COL7A1: variants seen among roughly 807,000 people sequenced by gnomAD.
COL7A1 encodes the protein collagen type VII alpha 1 chain, also known as collagen alpha-1(VII) chain.
A neutral mutation model predicts 456.2 loss-of-function variants in COL7A1; 296 were observed. The ratio of observed to expected loss-of-function variants is 0.65; its 90% CI spans 0.59 to 0.71. The LOEUF (loss-of-function observed/expected upper bound fraction) is 0.71. Among genes scored for constraint, COL7A1 ranks in the 30% least tolerant of loss-of-function variants. The pLI is 0.00. For synonymous variants in COL7A1, 1,464 were observed against 1,525.9 expected, an observed-to-expected ratio of 0.96 and a Z score of 0.95; for missense variants, 3,441 against 4,017.2, an observed-to-expected ratio of 0.86 and a Z score of 3.88.
At position 48,566,675 on chromosome 3, in the gene COL7A1, G is replaced by A. The variant is rs763764765; in HGVS notation, c.8289C>T (p.Gly2763=). The change falls in exon 112 of 119, where the codon GGC becomes GGT. Residue 2763 remains glycine, a synonymous_variant. Transcript: ENST00000681320. This position sits in a 1 kb window ranked among gnomAD's most constrained non-coding sequence, Gnocchi z 5.9. ...CCCTACTCACCTGCTCCCCTCTCTC[G>A]CCAGGAGCTCCAGGGACCCCAGGAG... The part of the protein sequence containing the change: ...VGAPGVPGAP[G]ERGEQGRPGP... The A allele has an allele frequency of 1.4e-5, 23 of 1,613,910 alleles. No homozygotes were observed. In the Middle Eastern group the frequency reaches 4.9e-4, roughly 35 times the overall value.
At position 48,566,810 on chromosome 3, in the gene COL7A1, AG is replaced by A; in HGVS notation, c.8227-74del. The A allele has an allele frequency of 6.3e-7, 1 of 1,595,692 alleles. No homozygotes were observed. The highest frequency in any genetic ancestry group is 8.6e-7 in the Non-Finnish European group (1 of 1,165,316). ...CAGAGTCAGGCAGGTTGGGGGCCACAGCTTCAGAGGTTGGGGCAGGCAGGCT... is the reference window on the plus strand; with the variant it reads ...CAGAGTCAGGCAGGTTGGGGGCCACACTTCAGAGGTTGGGGCAGGCAGGCT... On this transcript the variant is annotated intron_variant, in intron 111 of 118. Transcript: ENST00000681320. The surrounding 1 kb of genome is among the most constrained non-coding windows in gnomAD (Gnocchi z 5.9).
Position 48,591,862 on chromosome 3 carries a change from T to C in COL7A1, c.1357+36A>G, listed in dbSNP as rs1488289636. 4 of 1,614,070 alleles carry C rather than the reference T, an allele frequency of 2.5e-6. No individual in the cohort carries two copies. The highest frequency in any genetic ancestry group is 4.5e-5 in the East Asian group (2 of 44,898). ...GGTCAGACCAGCAGAGGCCATGCCCTGACCCTTGCCTGTCCATCCCTTCCC... is the reference window on the plus strand; with the variant it reads ...GGTCAGACCAGCAGAGGCCATGCCCCGACCCTTGCCTGTCCATCCCTTCCC... On this transcript the variant is annotated intron_variant, in intron 11 of 118. Transcript: ENST00000681320. The surrounding 1 kb of genome is among the most constrained non-coding windows in gnomAD (Gnocchi z 7.0).
chr3:48,577,422 C>T (rs964547509), intron 65 of COL7A1, among the ~76,000 whole-genome samples: 10 of 152,204 alleles, frequency 6.6e-5, no homozygotes, highest in Non-Finnish European at 1.2e-4. Context: ...TGGGCATGGG[C>T]TTATACATGT....
chr3:48,565,713 G>A lies in COL7A1; in HGVS notation c.8408-45C>T, dbSNP rs1473222271. On this transcript the variant is annotated intron_variant, in intron 114 of 118. Transcript: ENST00000681320. This position sits in a 1 kb window ranked among gnomAD's most constrained non-coding sequence, Gnocchi z 4.5. The stretch of plus-strand genomic sequence containing the variant: ...ATAGAGAGACAATGACAGAGAGAAG[G>A]ATGGGAAGATGGAGAGACAGACAGA... 19 of 1,563,858 alleles carry A rather than the reference G, an allele frequency of 1.2e-5. No individual in the cohort carries two copies. The highest frequency in any genetic ancestry group is 1.7e-5 in the Non-Finnish European group (19 of 1,145,998).
In COL7A1 at chr3:48,566,605, A is replaced by T; in HGVS notation, c.8305-42T>A. The T allele has an allele frequency of 6.2e-7, 1 of 1,614,102 alleles. No homozygotes were observed. Among genetic ancestry groups the T allele is most frequent in the Non-Finnish European group, 8.5e-7 (1 of 1,179,992 alleles). On this transcript the variant is annotated intron_variant, in intron 112 of 118. Coordinates refer to ENST00000681320, the MANE Select transcript of COL7A1 (RefSeq NM_000094.4). The surrounding 1 kb of genome is among the most constrained non-coding windows in gnomAD (Gnocchi z 5.9). ...GGACCAGGCTGTGACCTCTGACCTC[A>T]GGGACAACAGAAGTCACCCCGATCT...
In COL7A1 at chr3:48,568,764, G is replaced by T. The variant is rs1206737590; in HGVS notation, c.7758+20C>A. 7 of 1,559,226 alleles carry T rather than the reference G, an allele frequency of 4.5e-6. No individual in the cohort carries two copies. The African/African-American group carries it at 8.1e-5, about 18-fold the overall frequency. ...TGGCTCTGGACCTGGGCCTGGGCCT[G>T]GGCCTGGGGCAGAACTTGCCTGGGG... is the stretch of plus-strand genomic sequence containing the variant. On this transcript the variant is annotated intron_variant, in intron 104 of 118. Transcript: ENST00000681320. This position sits in a 1 kb window ranked among gnomAD's most constrained non-coding sequence, Gnocchi z 5.2.
intron 44 of COL7A1, 100 bp downstream of exon 44, chr3:48,582,913 G>A: frequency 6.5e-7 from 1 of 1,540,640 alleles, no homozygotes; most frequent in Non-Finnish European, 9.0e-7. Flanking sequence ...CATTGAGGAG[G>A]GGTGAGGAGC....
chr3:48,566,870 G>A lies in COL7A1; in HGVS notation c.8226+37C>T. The A allele has an allele frequency of 6.3e-7, 1 of 1,577,432 alleles. No individual in the cohort carries two copies. Among genetic ancestry groups the A allele is most frequent in the Non-Finnish European group, 8.7e-7 (1 of 1,155,530 alleles). ...GTTATGAGGTTGGAAGGGTAGGGAA[G>A]GTTCAGGGATCAGGAGTCAGAGCTG... On this transcript the variant is annotated intron_variant, in intron 111 of 118. Coordinates refer to ENST00000681320, the MANE Select transcript of COL7A1 (RefSeq NM_000094.4). The surrounding 1 kb of genome is among the most constrained non-coding windows in gnomAD (Gnocchi z 5.9).
In COL7A1 at chr3:48,586,665, G is replaced by A. The variant is rs777235438; in HGVS notation, c.3301C>T (p.Arg1101Trp). 7.5e-6 allele frequency: 12 copies of A among 1,605,492 alleles called. No individual in the cohort carries two copies. The highest frequency in any genetic ancestry group is 2.7e-5 in the African/African-American group (2 of 74,772). ...VQVGLLSYSH[R>W]PSPLFPLNGS... Reference sequence around the variant, plus strand: ...TTCAGTGGGAACAGTGGGGAGGGCCGATGACTGTAAGACAGCAGGCCAACC... The same window carrying A: ...TTCAGTGGGAACAGTGGGGAGGGCCAATGACTGTAAGACAGCAGGCCAACC... The change falls in exon 26 of 119, where the codon CGG (arginine) becomes TGG (tryptophan). Residue 1101 changes from arginine to tryptophan, a missense_variant. Transcript: ENST00000681320. This position sits in a 1 kb window ranked among gnomAD's most constrained non-coding sequence, Gnocchi z 5.1.
rs1217423665 is a variant in COL7A1, at chr3:48,565,928, G to A, written c.8408-260C>T. ...AGGCCAGACACAGAAACAGGCAGGTGGTGCAGACAGAGACGGGAAGAGACA... is the reference window on the plus strand; with the variant it reads ...AGGCCAGACACAGAAACAGGCAGGTAGTGCAGACAGAGACGGGAAGAGACA... On this transcript the variant is annotated intron_variant, in intron 114 of 118. Coordinates refer to ENST00000681320, the MANE Select transcript of COL7A1 (RefSeq NM_000094.4). This position sits in a 1 kb window ranked among gnomAD's most constrained non-coding sequence, Gnocchi z 4.5. Among the ~76,000 whole-genome samples the A allele has an allele frequency of 6.6e-6, 1 of 152,178 alleles. No homozygotes were observed. Among genetic ancestry groups the A allele is most frequent in the Non-Finnish European group, 1.5e-5 (1 of 68,024 alleles).
At position 48,573,462 on chromosome 3, in the gene COL7A1, T is replaced by G; in HGVS notation, c.6618+51A>C. On this transcript the variant is annotated intron_variant, in intron 83 of 118. Coordinates refer to ENST00000681320, the MANE Select transcript of COL7A1 (RefSeq NM_000094.4). The surrounding 1 kb of genome is among the most constrained non-coding windows in gnomAD (Gnocchi z 5.5). Reference sequence around the variant, plus strand: ...AGGTTGGCGCACACTACCCCAGGCATGGACACAGCTTGAAGGAGCCTCCTC... The same window carrying G: ...AGGTTGGCGCACACTACCCCAGGCAGGGACACAGCTTGAAGGAGCCTCCTC... The G allele has an allele frequency of 6.2e-7, 1 of 1,613,850 alleles. No homozygotes were observed. Among genetic ancestry groups the G allele is most frequent in the Non-Finnish European group, 8.5e-7 (1 of 1,179,848 alleles).
chr3:48,581,181 T>G lies in COL7A1; in HGVS notation c.4900-24A>C, dbSNP rs759462975. The G allele has an allele frequency of 4.3e-6, 7 of 1,613,542 alleles. No individual in the cohort carries two copies. The Admixed American group carries it at 1.2e-4, about 27-fold the overall frequency. ...CCCTGTGAAACATGAGAGTCAGCCC[T>G]GGTTCCAAGAACCCCCATGATGCTG... On this transcript the variant is annotated intron_variant, in intron 52 of 118. Coordinates refer to ENST00000681320, the MANE Select transcript of COL7A1 (RefSeq NM_000094.4). The surrounding 1 kb of genome is among the most constrained non-coding windows in gnomAD (Gnocchi z 5.8).
rs776176164 is a variant in COL7A1 at position 48,588,992 on chromosome 3, G to C, written c.2318C>G (p.Pro773Arg). The C allele has an allele frequency of 6.2e-7, 1 of 1,613,410 alleles. No individual in the cohort carries two copies. The highest frequency in any genetic ancestry group is 8.5e-7 in the Non-Finnish European group (1 of 1,180,036). ...PPASVVVRTA[P>R]EPVGRVSRLQ... Reference sequence around the variant, plus strand: ...CCTCGACACACGACCCACAGGCTCAGGGGCTGGGGACAGAGGCAAGGTAAG... The same window carrying C: ...CCTCGACACACGACCCACAGGCTCACGGGCTGGGGACAGAGGCAAGGTAAG... The change falls in exon 19 of 119, where the codon CCT becomes CGT. Residue 773 changes from proline to arginine, a missense_variant. Physicochemically the swap from Pro to Arg is moderately radical, Grantham distance 103. Around this residue, in one of 3 missense-constraint regions of COL7A1, gnomAD observed 913 missense variants for 1,088.2 expected, o/e 0.84. Coordinates refer to ENST00000681320, the MANE Select transcript of COL7A1 (RefSeq NM_000094.4). The surrounding 1 kb of genome is among the most constrained non-coding windows in gnomAD (Gnocchi z 4.6).
chr3:48,590,744 C>G lies in COL7A1; in HGVS notation c.1709G>C (p.Ser570Thr), dbSNP rs2045635835. ...FDLDDVQAGL[S>T]YTVRVSARVG... Reference sequence around the variant, plus strand: ...TCGAGCAGACACCCGCACAGTGTAGCTAAGCCCAGCCTGAACGTCATCCAA... The same window carrying G: ...TCGAGCAGACACCCGCACAGTGTAGGTAAGCCCAGCCTGAACGTCATCCAA... Residue 570 changes from serine (S) to threonine (T), a missense_variant, in exon 14 of 119, where the codon AGC becomes ACC. Ser to Thr is a moderately conservative substitution (Grantham distance 58). This residue lies in a region of COL7A1 where 913 missense variants were observed against 1,088.2 expected (regional missense o/e 0.84). Coordinates refer to ENST00000681320, the MANE Select transcript of COL7A1 (RefSeq NM_000094.4). This position sits in a 1 kb window ranked among gnomAD's most constrained non-coding sequence, Gnocchi z 4.6. 2 of 1,613,920 alleles carry G rather than the reference C, an allele frequency of 1.2e-6. No homozygotes were observed. The highest frequency in any genetic ancestry group is 1.7e-6 in the Non-Finnish European group (2 of 1,180,048).
rs750850246 is a variant in COL7A1, at chr3:48,568,178, G to A, written c.7795-8C>T. 6.2e-7 allele frequency: 1 copy of A among 1,612,560 alleles called. No individual in the cohort carries two copies. Among genetic ancestry groups the A allele is most frequent in the South Asian group, 1.1e-5 (1 of 91,076 alleles). Reference sequence around the variant, plus strand: ...ATCCTTTCCTGGGGATCCCTAGCAGGGAGAGGGTCCATGTGAGGTCAGAGG... The same window carrying A: ...ATCCTTTCCTGGGGATCCCTAGCAGAGAGAGGGTCCATGTGAGGTCAGAGG... On this transcript the variant is annotated splice_polypyrimidine_tract_variant and splice_region_variant and intron_variant, in intron 105 of 118. Coordinates refer to ENST00000681320, the MANE Select transcript of COL7A1 (RefSeq NM_000094.4). This position sits in a 1 kb window ranked among gnomAD's most constrained non-coding sequence, Gnocchi z 5.2.
Position 48,578,553 on chromosome 3 carries a change from AGATATCCCTTGG to A in COL7A1, c.5425-50_5425-39del. 1 of 1,605,516 alleles carries A rather than the reference AGATATCCCTTGG, an allele frequency of 6.2e-7. No homozygotes were observed. The highest frequency in any genetic ancestry group is 8.5e-7 in the Non-Finnish European group (1 of 1,175,314). ...TTTGTTAAGATTTATAGGGCCTCTG[AGATATCCCTTGG>A]GGCACACCCCATGGACTAAGAGGAC... On this transcript the variant is annotated intron_variant, in intron 63 of 118. Coordinates refer to ENST00000681320, the MANE Select transcript of COL7A1 (RefSeq NM_000094.4). The surrounding 1 kb of genome is among the most constrained non-coding windows in gnomAD (Gnocchi z 4.7).
intron 65 of COL7A1, 40 bp from the exon 66 acceptor site, chr3:48,577,067 G>A (rs370421477): frequency 3.1e-6 from 5 of 1,612,848 alleles, no homozygotes; most frequent in Non-Finnish European, 4.2e-6. Flanking sequence ...ACATTCACTG[G>A]TGTCTGGCTG....
At position 48,591,625 on chromosome 3, in the gene COL7A1, G is replaced by T; in HGVS notation, c.1508-33C>A. On this transcript the variant is annotated intron_variant, in intron 12 of 118. Transcript: ENST00000681320. The surrounding 1 kb of genome is among the most constrained non-coding windows in gnomAD (Gnocchi z 7.0). ...AGAGCACAGCATAGAGGCAGCCTGG[G>T]GCTCCGACACCTCCCCCACTCACTG... is the stretch of plus-strand genomic sequence containing the variant. 6.2e-7 allele frequency: 1 copy of T among 1,613,490 alleles called. No homozygotes were observed. Among genetic ancestry groups the T allele is most frequent in the Non-Finnish European group, 8.5e-7 (1 of 1,179,974 alleles).
Position 48,576,664 on chromosome 3 carries a change from C to A in COL7A1, c.5700+12G>T. 1 of 1,601,310 alleles carries A rather than the reference C, an allele frequency of 6.2e-7. No individual in the cohort carries two copies. The highest frequency in any genetic ancestry group is 1.3e-5 in the African/African-American group (1 of 74,892). On this transcript the variant is annotated intron_variant, in intron 68 of 118. Coordinates refer to ENST00000681320, the MANE Select transcript of COL7A1 (RefSeq NM_000094.4). Reference sequence around the variant, plus strand: ...AATGCTCTGAAGTCCCAGAATGACCCAGGACACTCACCTGGCCAGGAGGGC... The same window carrying A: ...AATGCTCTGAAGTCCCAGAATGACCAAGGACACTCACCTGGCCAGGAGGGC...
Sources: gnomAD v4.1 joint callset for allele counts (sites outside exome capture counted in the v4.1 genomes callset) on GRCh38, gnomAD v4.1.1 for gene constraint, gnomAD v4.1.1 regional missense constraint, Gnocchi (gnomAD v3.1) non-coding constraint, MANE v1.5 for transcripts, NCBI Gene and HGNC (gene_info 2026-07-23, HGNC 2026-07-21) for gene names.